Variants in MLLT3 observed in about 807,000 individuals in gnomAD.
MLLT3 encodes MLLT3 super elongation complex subunit, also known as protein AF-9.
MLLT3 carries 4 observed loss-of-function variants against 53.2 expected under a neutral mutation model. The observed-to-expected ratio is 0.08, with a 90% CI of 0.04 to 0.17. The LOEUF (loss-of-function observed/expected upper bound fraction) is 0.17, where lower values mean the gene tolerates loss of function less well. Among genes scored for constraint, MLLT3 ranks in the 10% least tolerant of loss-of-function variants. The pLI is 1.00. For synonymous variants in MLLT3, 283 were observed against 230.6 expected (o/e 1.23, Z -2.06); for missense variants, 569 against 684.0 (o/e 0.83, Z 1.87).
At chr9:20,609,847 A>G (rs531874036) in intron 2 of MLLT3, among the ~76,000 whole-genome samples, 1 of 152,250 alleles carries the variant, frequency 6.6e-6, no homozygotes, top group East Asian at 1.9e-4. Flanking sequence ...TAAAATTCCA[A>G]TACACTGATG....
At chr9:20,561,655 G>A (rs1194304940) in intron 2 of MLLT3, among the ~76,000 whole-genome samples, 1 of 152,116 alleles carries the variant, frequency 6.6e-6, no homozygotes, top group Admixed American at 6.6e-5. Context: ...CAACAGACCT[G>A]GTTGGCATCA....
chr9:20,545,096 CAAAAAAAAAAAAAAA>C (rs60850984), intron 2 of MLLT3, among the ~76,000 whole-genome samples: 2 of 48,074 alleles, frequency 4.2e-5, no homozygotes, highest in Non-Finnish European at 7.5e-5. Flanking sequence ...CCTATCTCTA[CAAAAAAAAAAAAAAA>C]AAAAAAAAAA....
chr9:20,369,640 C>A (rs1253121833), intron 5 of MLLT3, among the ~76,000 whole-genome samples: 1 of 152,174 alleles, frequency 6.6e-6, no homozygotes, highest in African/African-American at 2.4e-5. Flanking sequence ...TCAAGCCCAA[C>A]CAACAGAATT....
intron 2 of MLLT3, among the ~76,000 whole-genome samples, chr9:20,507,086 G>A (rs946193264): frequency 6.6e-6 from 1 of 152,182 alleles, no homozygotes; most frequent in Non-Finnish European, 1.5e-5. Flanking sequence ...GGCTTAATGC[G>A]AAAGTGAGTA....
intron 2 of MLLT3, among the ~76,000 whole-genome samples, chr9:20,618,650 C>T (rs1820900974): frequency 6.6e-6 from 1 of 152,158 alleles, no homozygotes; most frequent in Non-Finnish European, 1.5e-5. Context: ...TCACCAGAGA[C>T]CTCTGAGAAG....
intron 2 of MLLT3, among the ~76,000 whole-genome samples, chr9:20,507,111 C>T (rs1384502641): frequency 6.6e-6 from 1 of 152,178 alleles, no homozygotes; most frequent in African/African-American, 2.4e-5. Flanking sequence ...ATTTTCAAGA[C>T]GGTGTCTACA....
intron 2 of MLLT3, among the ~76,000 whole-genome samples, chr9:20,576,578 G>GGAGCAGT (rs1306893547): frequency 1.3e-5 from 2 of 152,076 alleles, no homozygotes; most frequent in East Asian, 3.9e-4. Flanking sequence ...GACAATGACT[G>GGAGCAGT]GAGCAGTGGA....
intron 5 of MLLT3, among the ~76,000 whole-genome samples, chr9:20,392,204 CTA>C (rs1369587268): frequency 1.3e-5 from 2 of 152,156 alleles, no homozygotes; most frequent in Non-Finnish European, 2.9e-5. Flanking sequence ...AAGATAATTA[CTA>C]TGTGTCTTCC....
intron 2 of MLLT3, among the ~76,000 whole-genome samples, chr9:20,515,709 T>A (rs1409076336): frequency 1.3e-5 from 2 of 152,130 alleles, no homozygotes; most frequent in African/African-American, 2.4e-5. Context: ...GCTCCTGGGG[T>A]CCCATATGGC....
At chr9:20,588,727 T>A (rs1157977777) in intron 2 of MLLT3, among the ~76,000 whole-genome samples, 1 of 152,200 alleles carries the variant, frequency 6.6e-6, no homozygotes, top group Non-Finnish European at 1.5e-5. Context: ...GCTTATCAGC[T>A]TAAGGAGATT....
At chr9:20,365,565 GTCTTGATCTCCTGACC>G (rs1166378252) in intron 6 of MLLT3, 88 bp downstream of exon 6, 1 of 1,284,954 alleles carries the variant, frequency 7.8e-7, no homozygotes, top group African/African-American at 1.5e-5. Context: ...AGCTAGGATG[GTCTTGATCTCCTGACC>G]TCTTGATCCA....
chr9:20,368,618 C>A (rs2118661398), intron 5 of MLLT3, among the ~76,000 whole-genome samples: 1 of 152,270 alleles, frequency 6.6e-6, no homozygotes, highest in Non-Finnish European at 1.5e-5. Context: ...AGAACCAAAC[C>A]AGGAGGCAGG....
chr9:20,437,949 A>G (rs1823446505), intron 4 of MLLT3, among the ~76,000 whole-genome samples: 1 of 152,240 alleles, frequency 6.6e-6, no homozygotes, highest in African/African-American at 2.4e-5. Context: ...GCTTGGTCTC[A>G]TAGTCACTGG....
chr9:20,427,447 A>T (rs570420265), intron 4 of MLLT3, among the ~76,000 whole-genome samples: 2 of 152,210 alleles, frequency 1.3e-5, no homozygotes, highest in Non-Finnish European at 2.9e-5. Context: ...AAAATGGGAA[A>T]TATAAAAGCT....
intron 2 of MLLT3, among the ~76,000 whole-genome samples, chr9:20,458,634 T>G (rs1463573570): frequency 6.6e-6 from 1 of 152,118 alleles, no homozygotes; most frequent in Non-Finnish European, 1.5e-5. Context: ...TGTGAGGACA[T>G]GGTGAGAAGA....
intron 4 of MLLT3, among the ~76,000 whole-genome samples, chr9:20,436,218 C>T (rs1343662301): frequency 6.6e-6 from 1 of 152,110 alleles, no homozygotes; most frequent in Non-Finnish European, 1.5e-5. Flanking sequence ...TCATGCATAA[C>T]CTTGCTGTTC....
intron 8 of MLLT3, among the ~76,000 whole-genome samples, chr9:20,358,043 G>C (rs1449967818): frequency 6.7e-6 from 1 of 149,476 alleles, no homozygotes; most frequent in African/African-American, 2.5e-5. Context: ...AGTCATTCCA[G>C]AGTGAAATTT....
chr9:20,405,760 A>G (rs1359802857), intron 5 of MLLT3, among the ~76,000 whole-genome samples: 2 of 152,152 alleles, frequency 1.3e-5, no homozygotes, highest in East Asian at 3.8e-4. Context: ...AACACAAACT[A>G]TTTACACAAT....
intron 5 of MLLT3, among the ~76,000 whole-genome samples, chr9:20,391,902 A>G (rs1822191668): frequency 6.6e-6 from 1 of 152,130 alleles, no homozygotes; most frequent in Non-Finnish European, 1.5e-5. Flanking sequence ...CTCTAATTTT[A>G]TTTTACTATT....
Sources: allele counts gnomAD v4.1 joint callset (sites outside exome capture counted in the v4.1 genomes callset), GRCh38; gene constraint gnomAD v4.1.1; transcripts MANE v1.5; gene names NCBI Gene and HGNC (gene_info 2026-07-23, HGNC 2026-07-21).